BMPR2: variants seen among roughly 807,000 people sequenced by gnomAD.
BMPR2 encodes bone morphogenetic protein receptor type-2.
A neutral mutation model predicts 100.8 loss-of-function variants in BMPR2; 29 were observed. The ratio of observed to expected loss-of-function variants is 0.29; its 90% confidence interval spans 0.21 to 0.39. BMPR2 has a LOEUF of 0.39. Ranked by LOEUF, BMPR2 falls within the 10% of genes least tolerant of loss-of-function variation. The pLI is 1.00. For synonymous variants in BMPR2, 382 were observed against 442.3 expected, an observed-to-expected ratio of 0.86 and a Z score of 1.71; for missense variants, 1,011 against 1,274.5, an observed-to-expected ratio of 0.79 and a Z score of 3.15.
At chr2:202,527,444 C>A (rs1687937316) in intron 7 of BMPR2, among the ~76,000 whole-genome samples, 1 of 150,836 alleles carries the variant, frequency 6.6e-6, no homozygotes. Flanking sequence ...GCTGAGATTG[C>A]CGCCACTGCA....
chr2:202,482,379 T>A (rs1448950022), intron 3 of BMPR2, among the ~76,000 whole-genome samples: 1 of 152,174 alleles, frequency 6.6e-6, no homozygotes, highest in Non-Finnish European at 1.5e-5. Context: ...ATGCTATTTT[T>A]AATTTTTTTT....
chr2:202,559,319 A>AT (rs1450041824), intron 12 of BMPR2, among the ~76,000 whole-genome samples: 3 of 150,936 alleles, frequency 2.0e-5, no homozygotes, highest in African/African-American at 7.3e-5. Context: ...AAAAAAAAAA[A>AT]TTTGATCCAC....
In BMPR2 at chr2:202,436,710, A is replaced by G. The variant is rs137913228; in HGVS notation, c.77-28099A>G. On this transcript the variant is annotated intron_variant, in intron 1 of 12. Transcript: ENST00000374580. ...TGACTTCTAGTTCTTTCCAAGTAAT[A>G]TTTTATAATTCTAACTTATATATGT... 3.0e-4 allele frequency among the ~76,000 whole-genome samples: 45 copies of G among 150,538 alleles called. 1 individual carries two copies. The East Asian group carries it at 5.8e-3, about 19-fold the overall frequency.
At chr2:202,512,353 C>T (rs1028101824) in intron 3 of BMPR2, among the ~76,000 whole-genome samples, 4 of 152,204 alleles carry the variant, frequency 2.6e-5, no homozygotes. Context: ...TGCATAACTA[C>T]ATCTAGTTAA....
At chr2:202,547,789 A>AC (rs202149158) in intron 10 of BMPR2, among the ~76,000 whole-genome samples, 13 of 149,910 alleles carry the variant, frequency 8.7e-5, no homozygotes, top group East Asian at 2.0e-4. Flanking sequence ...CACAAAAAAA[A>AC]AAAAAAAAAA....
intron 1 of BMPR2, among the ~76,000 whole-genome samples, chr2:202,442,007 T>TG (rs1370535090): frequency 6.7e-6 from 1 of 149,334 alleles, no homozygotes; most frequent in East Asian, 1.9e-4. Context: ...CACTCCAGCC[T>TG]GGGGGACAAG....
At chr2:202,380,995 G>A (rs757847230) in intron 1 of BMPR2, among the ~76,000 whole-genome samples, 85 of 77,568 alleles carry the variant, frequency 1.1e-3, no homozygotes, top group Middle Eastern at 0.031. Flanking sequence ...TTTTTTTTGA[G>A]ACAGAGTCTG....
intron 9 of BMPR2, among the ~76,000 whole-genome samples, chr2:202,536,071 A>AGGGAGAGGGAGACCGTG (rs1688151188): frequency 6.6e-6 from 1 of 151,930 alleles, no homozygotes; most frequent in Admixed American, 6.5e-5. Flanking sequence ...GTGGAAAGAG[A>AGGGAGAGGGAGACCGTG]GGGAGAGGGA....
intron 1 of BMPR2, among the ~76,000 whole-genome samples, chr2:202,449,817 G>A (rs899000427): frequency 2.0e-5 from 3 of 152,082 alleles, no homozygotes; most frequent in African/African-American, 7.2e-5. Flanking sequence ...TAGCCTTGAG[G>A]CTGGGTGCGG....
At chr2:202,491,587 C>G (rs1168805897) in intron 3 of BMPR2, among the ~76,000 whole-genome samples, 1 of 152,020 alleles carries the variant, frequency 6.6e-6, no homozygotes, top group Non-Finnish European at 1.5e-5. Context: ...CTACACCCAG[C>G]TAATTTTTGT....
Position 202,507,230 on chromosome 2 carries a change from A to G in BMPR2, c.419-6489A>G, listed in dbSNP as rs141285534. On this transcript the variant is annotated intron_variant, in intron 3 of 12. Transcript: ENST00000374580. ...AGAGTCTTTTCATATTCTACTTTTAAATCCATTTAGTTTCCTTTTGTCCTT... is the reference window on the plus strand; with the variant it reads ...AGAGTCTTTTCATATTCTACTTTTAGATCCATTTAGTTTCCTTTTGTCCTT... 9.2e-5 allele frequency among the ~76,000 whole-genome samples: 14 copies of G among 152,210 alleles called. No individual in the cohort carries two copies. In the East Asian group the frequency reaches 2.7e-3, roughly 29 times the overall value.
Position 202,435,376 on chromosome 2 carries a change from CATATATATATATAT to C in BMPR2, c.77-29414_77-29401del, listed in dbSNP as rs141854934. Among the ~76,000 whole-genome samples the C allele has an allele frequency of 2.1e-3, 218 of 103,428 alleles. 18 individuals are homozygous for C. Among genetic ancestry groups the C allele is most frequent in the African/African-American group, 8.2e-3 (196 of 23,874 alleles). 67.9% of individuals were successfully genotyped at this position (103,428 alleles called of 152,430 possible). On this transcript the variant is annotated intron_variant, in intron 1 of 12. Coordinates refer to ENST00000374580, the MANE Select transcript of BMPR2 (RefSeq NM_001204.7). ...CAGATCCTGTCTCAAAAAAAAAATA[CATATATATATATAT>C]ATATATATATATATATATGTTTTTG... is the stretch of plus-strand genomic sequence containing the variant.
rs929204810 is a variant in BMPR2, at chr2:202,503,526, G to A, written c.419-10193G>A. Among the ~76,000 whole-genome samples the A allele has an allele frequency of 6.6e-5, 10 of 152,238 alleles. No individual in the cohort carries two copies. The highest frequency in any genetic ancestry group is 2.9e-5 in the Non-Finnish European group (2 of 68,042). On this transcript the variant is annotated intron_variant, in intron 3 of 12. Coordinates refer to ENST00000374580, the MANE Select transcript of BMPR2 (RefSeq NM_001204.7). The surrounding 1 kb of genome is among the most constrained non-coding windows in gnomAD (Gnocchi z 4.0). ...GCTTAGCACCCAGGCCAGCAGCTGCGGAGGGTGTACTGGGTCCCCCAGCAG... is the reference window on the plus strand; with the variant it reads ...GCTTAGCACCCAGGCCAGCAGCTGCAGAGGGTGTACTGGGTCCCCCAGCAG...
At chr2:202,531,484 G>T (rs936385245) in intron 8 of BMPR2, among the ~76,000 whole-genome samples, 1 of 152,108 alleles carries the variant, frequency 6.6e-6, no homozygotes. Context: ...TTGAGGCAAG[G>T]GTAAAGTTAC....
intron 1 of BMPR2, among the ~76,000 whole-genome samples, chr2:202,458,488 T>C (rs77272875): frequency 4.6e-5 from 7 of 151,944 alleles, no homozygotes; most frequent in African/African-American, 1.7e-4. Context: ...TTTTTTTTTT[T>C]AAATTAAATG....
intron 6 of BMPR2, among the ~76,000 whole-genome samples, chr2:202,519,760 TA>T (rs1425877438): frequency 2.6e-5 from 4 of 152,244 alleles, no homozygotes; most frequent in Non-Finnish European, 5.9e-5. Flanking sequence ...CATAACAATA[TA>T]ATTTGTATTC....
At position 202,555,533 on chromosome 2, in the gene BMPR2, G is replaced by A. The variant is rs752642081; in HGVS notation, c.1868G>A (p.Ser623Asn). The change falls in exon 12 of 13, where the codon AGT (serine) becomes AAT (asparagine). Residue 623 changes from serine to asparagine, a missense_variant. Transcript: ENST00000374580. Reference protein sequence around the residue: ...TTTNTTGLTPSTGMTTISEMP... With the variant: ...TTTNTTGLTPNTGMTTISEMP... ...ACAAACACCACAGGACTCACGCCAA[G>A]TACTGGCATGACTACTATATCTGAG... 5.0e-6 allele frequency: 8 copies of A among 1,614,112 alleles called. No homozygotes were observed. In the East Asian group the frequency reaches 8.9e-5, roughly 18 times the overall value.
chr2:202,513,851 C>T (rs1276888920), intron 4 of BMPR2, 22 bp downstream of exon 4: 7 of 1,533,526 alleles, frequency 4.6e-6, no homozygotes, highest in Non-Finnish European at 6.3e-6. Flanking sequence ...CATTTTTTGT[C>T]CTATTGTTTA....
At chr2:202,458,611 C>A (rs1464902691) in intron 1 of BMPR2, among the ~76,000 whole-genome samples, 1 of 152,030 alleles carries the variant, frequency 6.6e-6, no homozygotes, top group Admixed American at 6.6e-5. Flanking sequence ...TTTAACAGAT[C>A]TTTAGAATAG....
Sources: allele counts gnomAD v4.1 joint callset (sites outside exome capture counted in the v4.1 genomes callset), GRCh38; gene constraint gnomAD v4.1.1; non-coding constraint Gnocchi (gnomAD v3.1); transcripts MANE v1.5; gene names NCBI Gene and HGNC (gene_info 2026-07-23, HGNC 2026-07-21).